NSUN6: variants seen among roughly 807,000 people sequenced by gnomAD.
NSUN6 encodes NOP2/Sun RNA methyltransferase 6, also known as tRNA (cytosine(72)-C(5))-methyltransferase NSUN6.
In NSUN6, 64 loss-of-function variants were observed where a neutral mutation model predicts 58.0. That is an observed-to-expected ratio of 1.10 (90% CI 0.90 to 1.36). The LOEUF (loss-of-function observed/expected upper bound fraction) is 1.36, where lower values mean the gene tolerates loss of function less well. Ranked by LOEUF, NSUN6 falls within the 40% of genes most tolerant of loss-of-function variation. The probability of loss-of-function intolerance (pLI) is 0.00; values close to 1 mark genes in which losing one functional copy is unlikely to be tolerated. For synonymous variants in NSUN6, 231 were observed against 193.9 expected, an observed-to-expected ratio of 1.19 and a Z score of -1.59; for missense variants, 701 against 550.1, an observed-to-expected ratio of 1.27 and a Z score of -2.74.
chr10:18,550,555 G>A (rs1436600026), intron 9 of NSUN6, among the ~76,000 whole-genome samples: 2 of 152,036 alleles, frequency 1.3e-5, no homozygotes, highest in Non-Finnish European at 2.9e-5. Flanking sequence ...TGAAAGACTA[G>A]GAGAAATCCT....
intron 8 of NSUN6, among the ~76,000 whole-genome samples, chr10:18,577,192 T>C (rs190354146): frequency 4.6e-5 from 7 of 152,262 alleles, no homozygotes; most frequent in Admixed American, 2.0e-4. Flanking sequence ...GCCTTAGACA[T>C]GATATTAGCA....
intron 8 of NSUN6, among the ~76,000 whole-genome samples, chr10:18,564,975 C>G (rs909508313): frequency 2.0e-5 from 3 of 151,136 alleles, no homozygotes; most frequent in Non-Finnish European, 3.0e-5. Context: ...ATTCCATTCT[C>G]CATTCCATTC....
intron 6 of NSUN6, among the ~76,000 whole-genome samples, chr10:18,600,677 C>G (rs1731627963): frequency 6.6e-6 from 1 of 151,676 alleles, no homozygotes; most frequent in Non-Finnish European, 1.5e-5. Flanking sequence ...CCTGTGATCC[C>G]AACACTTTGG....
intron 4 of NSUN6, among the ~76,000 whole-genome samples, chr10:18,615,934 A>G (rs2058393169): frequency 6.6e-6 from 1 of 152,144 alleles, no homozygotes; most frequent in South Asian, 2.1e-4. Flanking sequence ...CTCTATCAGT[A>G]ATGATCCACT....
intron 7 of NSUN6, among the ~76,000 whole-genome samples, chr10:18,587,541 G>A (rs549733836): frequency 5.9e-5 from 9 of 152,138 alleles, no homozygotes; most frequent in South Asian, 2.1e-4. Context: ...AGCTCCCAGC[G>A]AGACCAATGC....
intron 8 of NSUN6, among the ~76,000 whole-genome samples, chr10:18,560,064 A>AAATGG (rs1170719165): frequency 7.4e-5 from 7 of 94,366 alleles, no homozygotes; most frequent in South Asian, 8.9e-4. Flanking sequence ...ATGAAATGGA[A>AAATGG]AATGGAATGG....
intron 7 of NSUN6, among the ~76,000 whole-genome samples, chr10:18,592,226 C>T (rs1470862624): frequency 6.6e-6 from 1 of 152,070 alleles, no homozygotes; most frequent in Non-Finnish European, 1.5e-5. Flanking sequence ...AGAGAGGACA[C>T]AAACAAATGG....
At chr10:18,624,399 G>C (rs1393438414) in intron 3 of NSUN6, among the ~76,000 whole-genome samples, 1 of 151,914 alleles carries the variant, frequency 6.6e-6, no homozygotes, top group Non-Finnish European at 1.5e-5. Context: ...AAATGGGCTG[G>C]GTGCGGTGGC....
At chr10:18,631,941 C>A (rs1232567554) in intron 3 of NSUN6, among the ~76,000 whole-genome samples, 2 of 152,154 alleles carry the variant, frequency 1.3e-5, no homozygotes, top group Non-Finnish European at 2.9e-5. Context: ...GAGCCCACAT[C>A]ACCAAGTCAA....
At chr10:18,585,821 G>C (rs1180757697) in intron 8 of NSUN6, 128 bp downstream of exon 8, 2 of 681,026 alleles carry the variant, frequency 2.9e-6, no homozygotes, top group Non-Finnish European at 4.8e-6. Flanking sequence ...TACAGTGATG[G>C]ATATGTTAAT....
intron 10 of NSUN6, 125 bp from the exon 11 acceptor site, chr10:18,546,270 T>C: frequency 4.1e-6 from 3 of 732,270 alleles, no homozygotes; most frequent in Non-Finnish European, 7.4e-6. Flanking sequence ...GAAAAATGAG[T>C]AAATGCCTTT....
intron 3 of NSUN6, among the ~76,000 whole-genome samples, chr10:18,627,069 T>C (rs1209010065): frequency 6.6e-6 from 1 of 152,198 alleles, no homozygotes; most frequent in Non-Finnish European, 1.5e-5. Flanking sequence ...GGCTCTTTTA[T>C]CAAGACAAGT....
intron 3 of NSUN6, among the ~76,000 whole-genome samples, chr10:18,625,636 C>T (rs1752750277): frequency 6.8e-6 from 1 of 146,824 alleles, no homozygotes; most frequent in Admixed American, 7.0e-5. Flanking sequence ...TCACTTGAAT[C>T]CGGGACGCAA....
chr10:18,611,961 C>G (rs1015140324), intron 5 of NSUN6, among the ~76,000 whole-genome samples: 23 of 152,062 alleles, frequency 1.5e-4, no homozygotes, highest in African/African-American at 5.6e-4. Flanking sequence ...ATTTGTTTAC[C>G]ACTTGAAATC....
chr10:18,584,944 C>A, intron 8 of NSUN6, among the ~76,000 whole-genome samples: 2 of 148,994 alleles, frequency 1.3e-5, no homozygotes. Context: ...GTAAAACTAT[C>A]TCTCAAAAAT....
intron 8 of NSUN6, among the ~76,000 whole-genome samples, chr10:18,583,526 G>C (rs2056997100): frequency 6.6e-6 from 1 of 152,138 alleles, no homozygotes; most frequent in Admixed American, 6.6e-5. Context: ...AGCCAAAAAA[G>C]TTAACTTTGA....
intron 2 of NSUN6, among the ~76,000 whole-genome samples, chr10:18,646,549 A>T (rs1271216425): frequency 6.6e-6 from 1 of 152,174 alleles, no homozygotes; most frequent in Non-Finnish European, 1.5e-5. Flanking sequence ...TGTTGTGGAA[A>T]AAAAAAATAA....
At chr10:18,597,053 A>C (rs1342448998) in intron 6 of NSUN6, among the ~76,000 whole-genome samples, 2 of 152,150 alleles carry the variant, frequency 1.3e-5, no homozygotes, top group South Asian at 2.1e-4. Context: ...ATGCAAAAAC[A>C]AACAAACAAA....
Position 18,545,877 on chromosome 10 carries a change from A to AAAAAAAC in NSUN6, c.*55_*56insGTTTTTT. ...CTGACAACACTTTGGTTAAAAAAAAAAAAACCACAGACAGCAAATGTTTGG... is the reference window on the plus strand; with the variant it reads ...CTGACAACACTTTGGTTAAAAAAAAAAAAAAACAAAACCACAGACAGCAAATGTTTGG... On this transcript the variant is annotated 3_prime_UTR_variant, in exon 11 of 11. Transcript: ENST00000377304. The AAAAAAAC allele has an allele frequency of 2.8e-6, 3 of 1,078,086 alleles. No individual in the cohort carries two copies. The highest frequency in any genetic ancestry group is 2.4e-5 in the East Asian group (1 of 42,042). The allele number at this position is 1,078,086 out of a possible 1,614,324, so 66.8% of individuals were successfully genotyped here.
Sources: allele counts gnomAD v4.1 joint callset (sites outside exome capture counted in the v4.1 genomes callset), GRCh38; gene constraint gnomAD v4.1.1; transcripts MANE v1.5; gene names NCBI Gene and HGNC (gene_info 2026-07-23, HGNC 2026-07-21).